TMC7: variants seen among roughly 807,000 people sequenced by gnomAD.
The protein encoded by TMC7 is transmembrane channel like 7.
Under a neutral mutation model 82.9 loss-of-function variants are expected in TMC7, and 54 were observed. The ratio of observed to expected loss-of-function variants is 0.65; its 90% CI spans 0.52 to 0.82. The LOEUF (loss-of-function observed/expected upper bound fraction) is 0.82. Ranked by LOEUF, TMC7 falls within the 40% of genes least tolerant of loss-of-function variation. The pLI is 0.00. For synonymous variants in TMC7, 350 were observed against 337.9 expected (o/e 1.04, Z -0.39); for missense variants, 820 against 901.2 (o/e 0.91, Z 1.15).
In TMC7 at chr16:19,024,290, G is replaced by A. The variant is rs112221088; in HGVS notation, c.711+1095G>A. On this transcript the variant is annotated intron_variant, in intron 5 of 15. Transcript: ENST00000304381. ...AACAGAATTAGCTGGGCGTGGTGGC[G>A]TGCACCTGTAGTCCCAGTTACTCTG... Among the ~76,000 whole-genome samples the A allele has an allele frequency of 3.0e-3, 453 of 152,098 alleles. 6 individuals are homozygous for A. The highest frequency in any genetic ancestry group is 9.6e-3 in the African/African-American group (398 of 41,490).
intron 1 of TMC7, among the ~76,000 whole-genome samples, chr16:19,000,579 A>G (rs1007413758): frequency 6.6e-6 from 1 of 152,240 alleles, no homozygotes; most frequent in African/African-American, 2.4e-5. Flanking sequence ...TTGTGTGTGC[A>G]TGCATGACAT....
intron 1 of TMC7, among the ~76,000 whole-genome samples, chr16:18,998,035 C>CT (rs981005871): frequency 5.3e-5 from 8 of 151,362 alleles, no homozygotes; most frequent in African/African-American, 1.2e-4. Context: ...CCTGGCCAAC[C>CT]TTTTTTTTTG....
intron 14 of TMC7, among the ~76,000 whole-genome samples, chr16:19,057,144 C>CAAAT (rs951834554): frequency 4.3e-4 from 66 of 151,992 alleles, no homozygotes; most frequent in African/African-American, 1.5e-3. Flanking sequence ...GTCTCAAAAA[C>CAAAT]AAATAAATAA....
At chr16:19,056,094 C>CT (rs200352592) in intron 13 of TMC7, among the ~76,000 whole-genome samples, 3,521 of 145,738 alleles carry the variant, frequency 0.024, 107 homozygotes, top group African/African-American at 0.07. Context: ...TTCTTTCTTT[C>CT]TTTTTTTTTT....
rs147634076 is a variant in TMC7 at position 18,991,977 on chromosome 16, T to G, written c.67+7847T>G. 2.9e-3 allele frequency among the ~76,000 whole-genome samples: 439 copies of G among 151,790 alleles called. 4 individuals carry two copies. Among genetic ancestry groups the G allele is most frequent in the African/African-American group, 9.7e-3 (398 of 41,054 alleles). ...TTCCATGGTGTATATGTGCCACATTTTCTTAATCCAGTCTATCATTGATAG... is the reference window on the plus strand; with the variant it reads ...TTCCATGGTGTATATGTGCCACATTGTCTTAATCCAGTCTATCATTGATAG... On this transcript the variant is annotated intron_variant, in intron 1 of 15. Transcript: ENST00000304381.
intron 1 of TMC7, among the ~76,000 whole-genome samples, chr16:19,008,942 T>C (rs80065867): frequency 1.5e-3 from 225 of 152,256 alleles, no homozygotes; most frequent in African/African-American, 5.2e-3. Flanking sequence ...TCAGATATTG[T>C]GCAATTTAAA....
Position 19,045,449 on chromosome 16 carries a change from G to A in TMC7, c.1553+11G>A. On this transcript the variant is annotated intron_variant, in intron 11 of 15. Transcript: ENST00000304381. ...GGATTTTCCTAGAAAGTAAGTGCGA[G>A]GGGTGCCCATATTATCCCCCCCACC... The A allele has an allele frequency of 6.3e-7, 1 of 1,591,356 alleles. No homozygotes were observed. The highest frequency in any genetic ancestry group is 8.6e-7 in the Non-Finnish European group (1 of 1,159,282).
At chr16:19,007,767 G>T (rs1255771118) in intron 1 of TMC7, among the ~76,000 whole-genome samples, 1 of 150,442 alleles carries the variant, frequency 6.6e-6, no homozygotes, top group Non-Finnish European at 1.5e-5. Context: ...TCTGTCCCCT[G>T]ACACCACTCT....
At chr16:18,999,347 T>G (rs1458772482) in intron 1 of TMC7, among the ~76,000 whole-genome samples, 1 of 152,204 alleles carries the variant, frequency 6.6e-6, no homozygotes, top group Non-Finnish European at 1.5e-5. Flanking sequence ...GTGGCCACTG[T>G]ATTGGACAGT....
intron 7 of TMC7, among the ~76,000 whole-genome samples, chr16:19,036,714 CA>C (rs112464947): frequency 1.4e-3 from 183 of 130,534 alleles, no homozygotes; most frequent in African/African-American, 1.9e-3. Flanking sequence ...GACTCCATCT[CA>C]AAAAAAAAAA....
intron 9 of TMC7, among the ~76,000 whole-genome samples, chr16:19,042,155 T>C (rs1013069238): frequency 6.6e-6 from 1 of 151,920 alleles, no homozygotes; most frequent in Non-Finnish European, 1.5e-5. Flanking sequence ...AGGGCGTGGG[T>C]TCGCTCTTTC....
intron 3 of TMC7, 41 bp from the exon 4 acceptor site, chr16:19,021,588 C>T (rs765687394): frequency 1.9e-6 from 3 of 1,607,072 alleles, no homozygotes; most frequent in Non-Finnish European, 1.7e-6. Flanking sequence ...TGTAGTGTAT[C>T]AATATCCCTG....
At chr16:19,007,688 TAAATA>T (rs1270820383) in intron 1 of TMC7, among the ~76,000 whole-genome samples, 4 of 150,178 alleles carry the variant, frequency 2.7e-5, no homozygotes, top group African/African-American at 9.9e-5. Flanking sequence ...AAAAAATAAA[TAAATA>T]AAATAAAGAG....
chr16:19,052,957 C>T (rs1961603828), intron 13 of TMC7, among the ~76,000 whole-genome samples: 1 of 152,210 alleles, frequency 6.6e-6, no homozygotes, highest in South Asian at 2.1e-4. Context: ...AAATGATCCA[C>T]CCATGTCGGC....
intron 6 of TMC7, among the ~76,000 whole-genome samples, chr16:19,031,603 G>A (rs555829629): frequency 1.6e-4 from 24 of 152,158 alleles, no homozygotes; most frequent in African/African-American, 4.8e-4. Flanking sequence ...CCTGGGAGGC[G>A]GAGGTTGCAG....
At chr16:19,041,773 C>T (rs952173277) in intron 9 of TMC7, among the ~76,000 whole-genome samples, 2 of 152,148 alleles carry the variant, frequency 1.3e-5, no homozygotes, top group African/African-American at 2.4e-5. Context: ...AGATGGTTTT[C>T]CATGTTTGAT....
At chr16:19,047,275 T>C (rs768252102) in intron 12 of TMC7, 26 bp downstream of exon 12, 1 of 1,603,834 alleles carries the variant, frequency 6.2e-7, no homozygotes, top group South Asian at 1.1e-5. Flanking sequence ...GAATGGGGGC[T>C]CATATACTGG....
chr16:19,055,194 ACAT>A, intron 13 of TMC7, among the ~76,000 whole-genome samples: 1 of 152,254 alleles, frequency 6.6e-6, no homozygotes, highest in East Asian at 1.9e-4. Flanking sequence ...TAACTTATAG[ACAT>A]CATAATATTT....
In TMC7 at chr16:19,037,542, A is replaced by G. The variant is rs558290287; in HGVS notation, c.1006-332A>G. Among the ~76,000 whole-genome samples the G allele has an allele frequency of 2.5e-3, 373 of 150,490 alleles. 6 individuals are homozygous for G. The highest frequency in any genetic ancestry group is 6.2e-4 in the Non-Finnish European group (42 of 67,766). ...CTGGAGTACAGTGACGTGATCATAC[A>G]TCACTGCAGACTCGAACTCCCGGGC... On this transcript the variant is annotated intron_variant, in intron 7 of 15. Coordinates refer to ENST00000304381, the MANE Select transcript of TMC7 (RefSeq NM_024847.4).
Sources: allele counts gnomAD v4.1 joint callset (sites outside exome capture counted in the v4.1 genomes callset), GRCh38; gene constraint gnomAD v4.1.1; transcripts MANE v1.5; gene names NCBI Gene and HGNC (gene_info 2026-07-23, HGNC 2026-07-21).